The following CDH26 variants were observed in gnomAD, a reference collection of about 807,000 sequenced individuals.
CDH26 encodes cadherin-like protein 26.
A neutral mutation model predicts 90.3 loss-of-function variants in CDH26; 83 were observed. The ratio of observed to expected loss-of-function variants is 0.92; its 90% CI spans 0.77 to 1.10. The LOEUF is 1.10. CDH26 is among the 50% of genes least tolerant of loss of function. The pLI, the probability that CDH26 is intolerant of heterozygous loss-of-function variation, is 0.00. For synonymous variants in CDH26, 397 were observed against 396.3 expected (o/e 1.00, Z -0.02); for missense variants, 1,013 against 1,037.6 (o/e 0.98, Z 0.33).
At chr20:60,028,964 C>T (rs964010141) in intron 7 of CDH26, among the ~76,000 whole-genome samples, 3 of 152,098 alleles carry the variant, frequency 2.0e-5, no homozygotes, top group African/African-American at 4.8e-5. Context: ...AGTAAAGAGA[C>T]GCGATATAGA....
At chr20:59,996,604 C>G in intron 12 of CDH26, 27 bp from the exon 13 acceptor site, 1 of 1,614,204 alleles carries the variant, frequency 6.2e-7, no homozygotes, top group Non-Finnish European at 8.5e-7. Context: ...CTTGTCTAAT[C>G]TGTTTTTCCC....
At chr20:60,019,080 C>G (rs983473402), downstream of CDH26, among the ~76,000 whole-genome samples, 1 of 152,136 alleles carries the variant, frequency 6.6e-6, no homozygotes, top group Non-Finnish European at 1.5e-5. Flanking sequence ...GAGAAATCCG[C>G]AGTCTAATGG....
chr20:59,977,858 A>T (rs150976164), intron 4 of CDH26, among the ~76,000 whole-genome samples: 81 of 152,310 alleles, frequency 5.3e-4, no homozygotes, highest in Non-Finnish European at 2.2e-4. Flanking sequence ...AAATGTGTCC[A>T]CCATGACAGT....
At chr20:60,027,049 C>T (rs1351426844) in intron 7 of CDH26, among the ~76,000 whole-genome samples, 2 of 152,064 alleles carry the variant, frequency 1.3e-5, no homozygotes, top group Admixed American at 6.5e-5. Context: ...GCCAGGACAG[C>T]GTGTATGTGT....
At chr20:60,023,017 G>A (rs1192550536) in intron 7 of CDH26, among the ~76,000 whole-genome samples, 2 of 152,202 alleles carry the variant, frequency 1.3e-5, no homozygotes, top group African/African-American at 4.8e-5. Flanking sequence ...CTAAATTCTG[G>A]CCAATGGGAG....
chr20:59,968,852 C>G (rs2145972784), intron 1 of CDH26, 115 bp from the exon 2 acceptor site: 1 of 496,976 alleles, frequency 2.0e-6, no homozygotes, highest in Non-Finnish European at 3.6e-6. Context: ...CCAAAACTAA[C>G]TACAGAAGTT....
rs779538123 is a variant in CDH26, at chr20:59,958,775, CT to C, written c.50del (p.Leu17ArgfsTer72). ...CCCCTCGCTGCTGCTGCTTCTAGTGCTGCTGCTGTGGCTGCTGCAGGTAAGC... is the reference window on the plus strand; with the variant it reads ...CCCCTCGCTGCTGCTGCTTCTAGTGCGCTGCTGTGGCTGCTGCAGGTAAGC... Reference protein sequence around the residue: ...RHPSLLLLLVLLLWLLQVSII... With the variant: ...RHPSLLLLLVXLLWLLQVSII... On this transcript the variant is annotated frameshift_variant, in exon 1 of 18. Transcript: ENST00000348616. LOFTEE classifies it high-confidence loss of function. 13 of 1,613,944 alleles carry C rather than the reference CT, an allele frequency of 8.1e-6. No individual in the cohort carries two copies. The highest frequency in any genetic ancestry group is 1.1e-5 in the Non-Finnish European group (13 of 1,179,892).
chr20:60,003,005 A>G, intron 16 of CDH26, 139 bp downstream of exon 16: 1 of 515,540 alleles, frequency 1.9e-6, no homozygotes, highest in Non-Finnish European at 3.4e-6. Context: ...AGCAAACTGA[A>G]GGAGAAGCGA....
intron 7 of CDH26, among the ~76,000 whole-genome samples, chr20:60,029,840 A>G (rs1189875076): frequency 1.3e-5 from 2 of 152,132 alleles, no homozygotes; most frequent in African/African-American, 4.8e-5. Flanking sequence ...GCTGCATAGT[A>G]TTCCACGGTG....
At chr20:60,012,342 G>T (rs887384903) in intron 17 of CDH26, among the ~76,000 whole-genome samples, 185 bp from the exon 18 acceptor site, 1 of 152,128 alleles carries the variant, frequency 6.6e-6, no homozygotes, top group Non-Finnish European at 1.5e-5. Flanking sequence ...AGACTGTAAG[G>T]TGGGATGTCT....
Position 59,989,037 on chromosome 20 carries a change from A to G in CDH26, c.1157A>G (p.Gln386Arg), listed in dbSNP as rs780581564. The change falls in exon 9 of 18, where the codon CAG (glutamine) becomes CGG (arginine). Residue 386 changes from glutamine to arginine, a missense_variant. By Grantham distance (43) the Gln-to-Arg change is conservative (BLOSUM62 1). Transcript: ENST00000348616. ...GCAGCCAGCGCCACTGTGAGTGTGC[A>G]GGTGACAGACGCCAACGACCCACCA... ...KAAASATVSV[Q>R]VTDANDPPAF... 6.8e-6 allele frequency: 11 copies of G among 1,614,080 alleles called. No individual in the cohort carries two copies. The highest frequency in any genetic ancestry group is 5.5e-5 in the South Asian group (5 of 91,084).
intron 17 of CDH26, among the ~76,000 whole-genome samples, chr20:60,008,435 T>C (rs1235179317): frequency 6.6e-6 from 1 of 152,156 alleles, no homozygotes; most frequent in Non-Finnish European, 1.5e-5. Flanking sequence ...GCAACTGGGC[T>C]CCAGGGTCTA....
At chr20:60,004,488 AG>A (rs770492316) in intron 16 of CDH26, among the ~76,000 whole-genome samples, 7 of 152,116 alleles carry the variant, frequency 4.6e-5, no homozygotes, top group Non-Finnish European at 1.0e-4. Context: ...TACACAGGCC[AG>A]GGCGCCGTGG....
intron 10 of CDH26, among the ~76,000 whole-genome samples, chr20:59,993,691 A>C (rs1008035855): frequency 1.3e-4 from 20 of 152,166 alleles, no homozygotes; most frequent in Non-Finnish European, 1.5e-5. Context: ...GGCTCCATAT[A>C]TTTGCAGTTA....
At chr20:59,988,429 G>A (rs574098927) in intron 8 of CDH26, among the ~76,000 whole-genome samples, 6 of 152,302 alleles carry the variant, frequency 3.9e-5, no homozygotes, top group African/African-American at 1.2e-4. Flanking sequence ...GATGGCCTGC[G>A]GACCGTGCTA....
chr20:60,034,795 T>C (rs1352081249), downstream of CDH26, among the ~76,000 whole-genome samples: 3 of 152,192 alleles, frequency 2.0e-5, no homozygotes, highest in Non-Finnish European at 4.4e-5. Flanking sequence ...GTCTGAGAGA[T>C]GGATGGGTTG....
chr20:59,994,498 T>G lies in CDH26; in HGVS notation c.1666+9T>G. 1 of 1,613,470 alleles carries G rather than the reference T, an allele frequency of 6.2e-7. No homozygotes were observed. Among genetic ancestry groups the G allele is most frequent in the Non-Finnish European group, 8.5e-7 (1 of 1,179,702 alleles). On this transcript the variant is annotated intron_variant, in intron 11 of 17. Coordinates refer to ENST00000348616, the MANE Select transcript of CDH26 (RefSeq NM_177980.4). The stretch of plus-strand genomic sequence containing the variant: ...GTTGGGGAGAAATTGGGGTGAGTTT[T>G]TGTATTGGTTACGGGCAAAGAGTGG...
intron 1 of CDH26, among the ~76,000 whole-genome samples, chr20:59,967,159 G>A (rs2061160182): frequency 6.6e-6 from 1 of 152,150 alleles, no homozygotes; most frequent in African/African-American, 2.4e-5. Context: ...GTATAATTTA[G>A]GATGAGAGTT....
intron 4 of CDH26, among the ~76,000 whole-genome samples, chr20:59,979,475 G>A (rs2061367539): frequency 1.3e-5 from 2 of 152,028 alleles, no homozygotes; most frequent in Admixed American, 6.5e-5. Context: ...GGGATTACAG[G>A]CGTGAGCCGC....
Sources: allele counts gnomAD v4.1 joint callset (sites outside exome capture counted in the v4.1 genomes callset), GRCh38; gene constraint gnomAD v4.1.1; transcripts MANE v1.5; gene names NCBI Gene and HGNC (gene_info 2026-07-23, HGNC 2026-07-21).